The following DDI2 variants were observed in gnomAD, a reference collection of about 807,000 sequenced individuals.
The protein encoded by DDI2 is protein DDI1 homolog 2.
DDI2 carries 5 observed loss-of-function variants against 48.1 expected under a neutral mutation model. That is an observed-to-expected ratio of 0.10 (90% CI 0.05 to 0.22). The LOEUF is 0.22. Ranked by LOEUF, DDI2 falls within the 10% of genes least tolerant of loss-of-function variation. The pLI is 1.00. For missense variants in DDI2, 285 were observed against 506.2 expected, an observed-to-expected ratio of 0.56 and a Z score of 4.19; for synonymous variants, 205 against 183.6, an observed-to-expected ratio of 1.12 and a Z score of -0.94.
In DDI2 at chr1:15,666,581, C is replaced by T. The variant is rs1640454846; in HGVS notation, c.*6791C>T. ...TTACATATTTGAAAGGAAATTGGTA[C>T]TCTTGAAGGCTATGCAACATGAGTC... is the stretch of plus-strand genomic sequence containing the variant. On this transcript the variant is annotated 3_prime_UTR_variant, in exon 10 of 10. Transcript: ENST00000480945. 6.6e-6 allele frequency: 1 copy of T among 152,176 alleles called. No individual in the cohort carries two copies. The highest frequency in any genetic ancestry group is 2.4e-5 in the African/African-American group (1 of 41,444). The allele number at this position is 152,176 out of a possible 1,614,324, so 9.4% of individuals were successfully genotyped here.
In DDI2 at chr1:15,652,459, G is replaced by C. The variant is rs978501452; in HGVS notation, c.1183+564G>C. On this transcript the variant is annotated intron_variant, in intron 8 of 9. Coordinates refer to ENST00000480945, the MANE Select transcript of DDI2 (RefSeq NM_032341.5). ...TTTGGGAGGCTCCGGAGGGGGGGGG[G>C]GGGGGGCGGATCACCTGAGGTCAGG... Among the ~76,000 whole-genome samples the C allele has an allele frequency of 4.3e-3, 436 of 101,502 alleles. 106 individuals are homozygous for C. Among genetic ancestry groups the C allele is most frequent in the African/African-American group, 0.014 (391 of 28,628 alleles). The allele number at this position is 101,502 out of a possible 152,430, so 66.6% of individuals were successfully genotyped here.
intron 1 of DDI2, among the ~76,000 whole-genome samples, chr1:15,621,244 CATG>C (rs2103459588): frequency 6.6e-6 from 1 of 152,146 alleles, no homozygotes; most frequent in East Asian, 1.9e-4. Flanking sequence ...ATTTTTGAGA[CATG>C]ATAATTTACC....
chr1:15,643,776 G>T, intron 6 of DDI2, 126 bp downstream of exon 6: 1 of 1,367,644 alleles, frequency 7.3e-7, no homozygotes, highest in Non-Finnish European at 9.8e-7. Context: ...TTTCTTTTGT[G>T]TGGGTATGTC....
Position 15,661,790 on chromosome 1 carries a change from G to T in DDI2, c.*2000G>T. ...AAAAGAAAGCTCTCTCTATATACAC[G>T]CACACATACACACTCACCACATATA... On this transcript the variant is annotated 3_prime_UTR_variant, in exon 10 of 10. Coordinates refer to ENST00000480945, the MANE Select transcript of DDI2 (RefSeq NM_032341.5). 1 of 1,503,620 alleles carries T rather than the reference G, an allele frequency of 6.7e-7. No individual in the cohort carries two copies. The highest frequency in any genetic ancestry group is 8.9e-7 in the Non-Finnish European group (1 of 1,125,962). 93.1% of individuals were successfully genotyped at this position (1,503,620 alleles called of 1,614,324 possible).
intron 6 of DDI2, among the ~76,000 whole-genome samples, chr1:15,644,601 T>G (rs1265115408): frequency 9.6e-5 from 13 of 135,596 alleles, no homozygotes; most frequent in South Asian, 2.5e-4. Flanking sequence ...TTTTTTTTTT[T>G]TTTTTTTTTT....
Position 15,661,726 on chromosome 1 carries a change from T to C in DDI2, c.*1936T>C, listed in dbSNP as rs762758874. ...AAACATCGTAGTTCCTACATGACTG[T>C]GGGAAAGTGGGCTAGACCGTTCTCC... On this transcript the variant is annotated 3_prime_UTR_variant, in exon 10 of 10. Transcript: ENST00000480945. The C allele has an allele frequency of 1.0e-5, 16 of 1,600,660 alleles. No homozygotes were observed.
At position 15,660,117 on chromosome 1, in the gene DDI2, A is replaced by T; in HGVS notation, c.*327A>T. On this transcript the variant is annotated 3_prime_UTR_variant, in exon 10 of 10. Transcript: ENST00000480945. ...AAGATCTTTCTGATCATGCTTCCTCAGCAGACCATGCTCCAACAGACCAGA... is the reference window on the plus strand; with the variant it reads ...AAGATCTTTCTGATCATGCTTCCTCTGCAGACCATGCTCCAACAGACCAGA... The T allele has an allele frequency of 2.5e-6, 4 of 1,614,224 alleles. No individual in the cohort carries two copies. Among genetic ancestry groups the T allele is most frequent in the Non-Finnish European group, 3.4e-6 (4 of 1,180,038 alleles).
chr1:15,622,692 T>C (rs1006699629), intron 1 of DDI2, among the ~76,000 whole-genome samples: 1 of 152,150 alleles, frequency 6.6e-6, no homozygotes, highest in African/African-American at 2.4e-5. Flanking sequence ...TTGGTAGAGA[T>C]TTGAAGCCAT....
At chr1:15,659,325 G>T (rs1361987671) in intron 9 of DDI2, among the ~76,000 whole-genome samples, 2 of 152,138 alleles carry the variant, frequency 1.3e-5, no homozygotes, top group Admixed American at 6.5e-5. Context: ...GAATCATTCT[G>T]GTGCAAAGAT....
chr1:15,639,405 GA>G (rs1361941885), intron 5 of DDI2, among the ~76,000 whole-genome samples: 2 of 151,736 alleles, frequency 1.3e-5, no homozygotes, highest in Admixed American at 6.6e-5. Context: ...TATATAAAAA[GA>G]AAAAAAGTAT....
At position 15,667,985 on chromosome 1, in the gene DDI2, A is replaced by G. The variant is rs1245538691; in HGVS notation, c.*8195A>G. On this transcript the variant is annotated 3_prime_UTR_variant, in exon 10 of 10. Coordinates refer to ENST00000480945, the MANE Select transcript of DDI2 (RefSeq NM_032341.5). ...TCTTTTACCTAAAAATGTTAAGCCA[A>G]CTATGGAAGATTGGGGTCGTGGGGG... is the stretch of plus-strand genomic sequence containing the variant. The G allele has an allele frequency of 6.6e-6, 1 of 152,210 alleles. No homozygotes were observed. Among genetic ancestry groups the G allele is most frequent in the Non-Finnish European group, 1.5e-5 (1 of 68,044 alleles). 9.4% of individuals were successfully genotyped at this position (152,210 alleles called of 1,614,324 possible).
chr1:15,662,096 A>AT lies in DDI2; in HGVS notation c.*2307dup, dbSNP rs1162104299. ...GAAGCCATGAGAAATCCCACTACCC[A>AT]TCCAGCTAAAAACAGATGAACTCTC... On this transcript the variant is annotated 3_prime_UTR_variant, in exon 10 of 10. Coordinates refer to ENST00000480945, the MANE Select transcript of DDI2 (RefSeq NM_032341.5). The AT allele has an allele frequency of 6.0e-6, 1 of 167,586 alleles. No homozygotes were observed. The highest frequency in any genetic ancestry group is 2.4e-5 in the African/African-American group (1 of 41,690). The allele number at this position is 167,586 out of a possible 1,614,324, so 10.4% of individuals were successfully genotyped here.
At chr1:15,632,443 G>C (rs1289885145) in intron 3 of DDI2, among the ~76,000 whole-genome samples, 1 of 152,096 alleles carries the variant, frequency 6.6e-6, no homozygotes, top group East Asian at 1.9e-4. Context: ...TGAGGCAGGA[G>C]AATCACTTGA....
chr1:15,620,515 C>G (rs748437938), intron 1 of DDI2, among the ~76,000 whole-genome samples: 1 of 152,072 alleles, frequency 6.6e-6, no homozygotes, highest in Admixed American at 6.6e-5. Flanking sequence ...TGTTTACATT[C>G]TCCATTCCCA....
Position 15,661,148 on chromosome 1 carries a change from A to G in DDI2, c.*1358A>G. On this transcript the variant is annotated 3_prime_UTR_variant, in exon 10 of 10. Coordinates refer to ENST00000480945, the MANE Select transcript of DDI2 (RefSeq NM_032341.5). ...GCCATATCTGTATCAGTGGAGACAGAAAAATTAACAGGTACTTCATCTGAC... is the reference window on the plus strand; with the variant it reads ...GCCATATCTGTATCAGTGGAGACAGGAAAATTAACAGGTACTTCATCTGAC... 2.5e-6 allele frequency: 4 copies of G among 1,614,118 alleles called. No individual in the cohort carries two copies. Among genetic ancestry groups the G allele is most frequent in the Non-Finnish European group, 2.5e-6 (3 of 1,180,010 alleles).
chr1:15,622,326 C>A (rs1014986677), intron 1 of DDI2, among the ~76,000 whole-genome samples: 10 of 151,746 alleles, frequency 6.6e-5, no homozygotes, highest in African/African-American at 2.2e-4. Context: ...ACCTGGCCTA[C>A]TAGTTTATGT....
At chr1:15,657,401 T>C (rs1031259828) in intron 9 of DDI2, among the ~76,000 whole-genome samples, 1 of 152,214 alleles carries the variant, frequency 6.6e-6, no homozygotes, top group African/African-American at 2.4e-5. Context: ...TTTCTCTTCT[T>C]TCTTTCCTTT....
At chr1:15,633,095 AT>A (rs1639872884) in intron 3 of DDI2, among the ~76,000 whole-genome samples, 1 of 151,432 alleles carries the variant, frequency 6.6e-6, no homozygotes, top group South Asian at 2.1e-4. Context: ...CGCCCAACTA[AT>A]TTTTATATTT....
intron 3 of DDI2, 63 bp from the exon 4 acceptor site, chr1:15,633,376 A>G: frequency 2.5e-6 from 4 of 1,578,636 alleles, no homozygotes; most frequent in Non-Finnish European, 3.4e-6. Flanking sequence ...TTTGGTGTGG[A>G]AAAGTACTGA....
Sources: allele counts gnomAD v4.1 joint callset (sites outside exome capture counted in the v4.1 genomes callset), GRCh38; gene constraint gnomAD v4.1.1; transcripts MANE v1.5; gene names NCBI Gene and HGNC (gene_info 2026-07-23, HGNC 2026-07-21).